The following PSMG4 variants were observed in gnomAD, a reference collection of about 807,000 sequenced individuals.
PSMG4 encodes the protein proteasome (prosome, macropain) assembly chaperone 4.
Under a neutral mutation model 11.0 loss-of-function variants are expected in PSMG4, and 10 were observed. That is an observed-to-expected ratio of 0.91 (90% CI 0.56 to 1.54). The LOEUF (loss-of-function observed/expected upper bound fraction) is 1.54. Among genes scored for constraint, PSMG4 ranks in the 40% most tolerant of loss-of-function variants. PSMG4 has a pLI of 0.00. For synonymous variants in PSMG4, 95 were observed against 71.3 expected (o/e 1.33, Z -1.68); for missense variants, 198 against 160.9 (o/e 1.23, Z -1.25).
chr6:3,254,968 T>C, upstream of PSMG4: 1 of 1,427,876 alleles, frequency 7.0e-7, no homozygotes, highest in Non-Finnish European at 9.4e-7. Flanking sequence ...GCAGAGCATG[T>C]GATGTGGCTG....
chr6:3,261,381 G>A (rs1757985097), intron 1 of PSMG4, among the ~76,000 whole-genome samples: 1 of 152,102 alleles, frequency 6.6e-6, no homozygotes, highest in African/African-American at 2.4e-5. Flanking sequence ...GGCATAGTGG[G>A]CAGGGCTTTG....
upstream of PSMG4, among the ~76,000 whole-genome samples, chr6:3,258,649 T>C (rs911478054): frequency 2.6e-5 from 4 of 151,942 alleles, no homozygotes; most frequent in Admixed American, 2.6e-4. Context: ...GCGTCAGTAA[T>C]AATTAGGGGG....
At chr6:3,263,595 T>C (rs1003030947) in intron 1 of PSMG4, 89 bp from the exon 2 acceptor site, 8 of 1,141,210 alleles carry the variant, frequency 7.0e-6, no homozygotes, top group African/African-American at 3.1e-5. Flanking sequence ...ACTGCCATCG[T>C]CGTGAAGAAT....
intron 2 of PSMG4, chr6:3,264,528 G>A (rs1758112691): frequency 1.4e-5 from 14 of 1,013,990 alleles, no homozygotes; most frequent in South Asian, 1.0e-4. Flanking sequence ...AAATGCACAC[G>A]AATAGCATGG....
At position 3,260,277 on chromosome 6, in the gene PSMG4, GTA is replaced by G. The variant is rs70998384; in HGVS notation, c.174+1095_174+1096del. On this transcript the variant is annotated intron_variant, in intron 1 of 2. Coordinates refer to ENST00000438998, the MANE Select transcript of PSMG4 (RefSeq NM_001128591.2). ...CTCCAGTATAACCTTGTCTTAAATT[GTA>G]TATATATATATATTTTTTTTTTTTT... Among the ~76,000 whole-genome samples the G allele has an allele frequency of 1.9e-3, 217 of 111,522 alleles. 7 individuals are homozygous for G. The Middle Eastern group carries it at 0.023, about 12-fold the overall frequency. 73.2% of individuals were successfully genotyped at this position (111,522 alleles called of 152,430 possible). A position where few individuals can be genotyped will look rare whatever the true frequency, so the allele number is the denominator to read the frequency against.
chr6:3,254,807 A>G (rs902338169), upstream of PSMG4, among the ~76,000 whole-genome samples: 1 of 152,176 alleles, frequency 6.6e-6, no homozygotes, highest in Non-Finnish European at 1.5e-5. Context: ...CAGAGCAACA[A>G]GACACCAATT....
chr6:3,260,548 A>G (rs960136647), intron 1 of PSMG4, among the ~76,000 whole-genome samples: 7 of 152,012 alleles, frequency 4.6e-5, no homozygotes, highest in African/African-American at 1.7e-4. Flanking sequence ...CGGCCTCCCA[A>G]AGGCAAGCAA....
chr6:3,262,879 T>A (rs1581553857), intron 1 of PSMG4, among the ~76,000 whole-genome samples: 1 of 148,964 alleles, frequency 6.7e-6, no homozygotes, highest in East Asian at 2.0e-4. Context: ...CAGATCTTAC[T>A]TCATTGTCCA....
At chr6:3,255,076 C>G (rs532615366), upstream of PSMG4, 2 of 1,550,988 alleles carry the variant, frequency 1.3e-6, no homozygotes, top group Non-Finnish European at 1.7e-6. Context: ...GAATATGCTT[C>G]TATTCCTAAG....
At chr6:3,262,356 T>C (rs1272111371) in intron 1 of PSMG4, among the ~76,000 whole-genome samples, 1 of 152,246 alleles carries the variant, frequency 6.6e-6, no homozygotes, top group Non-Finnish European at 1.5e-5. Flanking sequence ...TTTTCTTTTT[T>C]CTAGAAGGTT....
chr6:3,267,703 A>G lies in PSMG4; in HGVS notation c.363A>G (p.Glu121=), dbSNP rs774690573. The change falls in exon 3 of 3, where the codon GAA becomes GAG. Residue 121 remains glutamate (E), a synonymous_variant. Transcript: ENST00000438998. ...AGGAAGAGATGGAGGCTTTCCCCGA[A>G]AAGTTCTAGCTGAGTGGCAGAAGTG... is the stretch of plus-strand genomic sequence containing the variant. ...RIKEEMEAFP[E]KF 4.8e-5 allele frequency: 74 copies of G among 1,552,066 alleles called. No individual in the cohort carries two copies. Among genetic ancestry groups the G allele is most frequent in the Non-Finnish European group, 6.3e-5 (72 of 1,147,010 alleles).
chr6:3,256,916 C>T (rs112198509), upstream of PSMG4, among the ~76,000 whole-genome samples: 81 of 151,490 alleles, frequency 5.3e-4, no homozygotes, highest in Non-Finnish European at 1.0e-3. Flanking sequence ...ACCTAGGTGG[C>T]ACATGCAGGC....
upstream of PSMG4, chr6:3,255,276 C>T (rs774398724): frequency 1.0e-4 from 156 of 1,539,552 alleles, no homozygotes; most frequent in Middle Eastern, 2.3e-4. Flanking sequence ...GGCTGTCTTA[C>T]GGGTCTATCG....
upstream of PSMG4, chr6:3,255,276 C>A (rs774398724): frequency 1.9e-6 from 3 of 1,539,552 alleles, no homozygotes; most frequent in South Asian, 1.2e-5. Context: ...GGCTGTCTTA[C>A]GGGTCTATCG....
rs11966843 is a variant in PSMG4 at position 3,259,708 on chromosome 6, C to T, written c.174+512C>T. On this transcript the variant is annotated intron_variant, in intron 1 of 2. Coordinates refer to ENST00000438998, the MANE Select transcript of PSMG4 (RefSeq NM_001128591.2). ...CAGAGCCTCGCAGTTGTCTTTGATTCCTCTTTCTTCACACTCCACGTGCTG... is the reference window on the plus strand; with the variant it reads ...CAGAGCCTCGCAGTTGTCTTTGATTTCTCTTTCTTCACACTCCACGTGCTG... Among the ~76,000 whole-genome samples the T allele has an allele frequency of 5.9e-5, 9 of 152,092 alleles. No individual in the cohort carries two copies. In the East Asian group the frequency reaches 1.3e-3, roughly 23 times the overall value.
upstream of PSMG4, among the ~76,000 whole-genome samples, chr6:3,255,692 T>C (rs1030659663): frequency 1.3e-5 from 2 of 152,344 alleles, no homozygotes; most frequent in South Asian, 2.1e-4. Context: ...ATCCCTCCTA[T>C]GGCCAAAAGC....
At chr6:3,254,737 C>A (rs143475677), upstream of PSMG4, among the ~76,000 whole-genome samples, 1 of 152,084 alleles carries the variant, frequency 6.6e-6, no homozygotes, top group Non-Finnish European at 1.5e-5. Flanking sequence ...ACAAACTCCC[C>A]CTGTGCCTCT....
upstream of PSMG4, chr6:3,254,926 A>C (rs539742249): frequency 9.2e-7 from 1 of 1,090,104 alleles, no homozygotes; most frequent in Non-Finnish European, 1.3e-6. Context: ...TGCTTCAGCC[A>C]TTCTCTCACT....
chr6:3,254,953 G>C (rs1472006557), upstream of PSMG4: 1 of 1,337,918 alleles, frequency 7.5e-7, no homozygotes. Flanking sequence ...CAGCTGTTGG[G>C]TGTTGCAGAG....
Sources: allele counts gnomAD v4.1 joint callset (sites outside exome capture counted in the v4.1 genomes callset), GRCh38; gene constraint gnomAD v4.1.1; transcripts MANE v1.5; gene names NCBI Gene and HGNC (gene_info 2026-07-23, HGNC 2026-07-21).